Variants in CPED1 observed in about 807,000 individuals in gnomAD.
The protein encoded by CPED1 is cadherin like and PC-esterase domain containing 1, also known as cadherin-like and PC-esterase domain-containing protein 1.
CPED1 carries 114 observed loss-of-function variants against 128.2 expected under a neutral mutation model. The ratio of observed to expected loss-of-function variants is 0.89; its 90% CI spans 0.76 to 1.04. CPED1 has a LOEUF of 1.04. Ranked by LOEUF, CPED1 falls within the 50% of genes least tolerant of loss-of-function variation. CPED1 has a pLI of 0.00. For missense variants in CPED1, 1,211 were observed against 1,207.1 expected (o/e 1.00, Z -0.05); for synonymous variants, 462 against 426.7 (o/e 1.08, Z -1.02).
chr7:121,096,857 A>G (rs975137750), intron 5 of CPED1, among the ~76,000 whole-genome samples: 4 of 152,118 alleles, frequency 2.6e-5, no homozygotes, highest in African/African-American at 9.7e-5. Flanking sequence ...CCTCTTTGGG[A>G]TAATTAAAAA....
chr7:121,040,796 T>A (rs969910070), intron 3 of CPED1, among the ~76,000 whole-genome samples: 2 of 151,994 alleles, frequency 1.3e-5, no homozygotes, highest in African/African-American at 4.8e-5. Context: ...ACTCAGGAAA[T>A]CATCCTTGTT....
intron 6 of CPED1, among the ~76,000 whole-genome samples, chr7:121,098,955 A>G (rs1584510594): frequency 6.6e-6 from 1 of 150,914 alleles, no homozygotes; most frequent in African/African-American, 2.4e-5. Flanking sequence ...TGATGAAAGC[A>G]TATTTGTTTC....
rs773343321 is a variant in CPED1 at position 121,295,492 on chromosome 7, C to T, written c.2921C>T (p.Ser974Leu). Residue 974 changes from serine to leucine, a missense_variant, in exon 23 of 23, where the codon TCA (serine) becomes TTA (leucine). Coordinates refer to ENST00000310396, the MANE Select transcript of CPED1 (RefSeq NM_024913.5). ...TATAACTTTATTAAAATGAAAAGATCAAGAAATCATATCATGGGAAGATAT... is the reference window on the plus strand; with the variant it reads ...TATAACTTTATTAAAATGAAAAGATTAAGAAATCATATCATGGGAAGATAT... ...KEYNFIKMKR[S>L]RNHIMGRYFS... The T allele has an allele frequency of 6.2e-7, 1 of 1,613,702 alleles. No homozygotes were observed. The highest frequency in any genetic ancestry group is 8.5e-7 in the Non-Finnish European group (1 of 1,179,772).
intron 7 of CPED1, among the ~76,000 whole-genome samples, chr7:121,120,980 A>C (rs976009205): frequency 2.6e-4 from 39 of 150,486 alleles, no homozygotes; most frequent in African/African-American, 6.5e-4. Context: ...AAAAAAAAAA[A>C]AAAAAAACAA....
intron 22 of CPED1, among the ~76,000 whole-genome samples, chr7:121,272,819 C>T (rs1035885361): frequency 6.6e-6 from 1 of 152,058 alleles, no homozygotes; most frequent in Non-Finnish European, 1.5e-5. Context: ...GCTCCTCTCA[C>T]TTGGCTTAAG....
chr7:121,207,460 A>C (rs1350637359), intron 16 of CPED1, among the ~76,000 whole-genome samples: 1 of 152,032 alleles, frequency 6.6e-6, no homozygotes, highest in Non-Finnish European at 1.5e-5. Context: ...CAAAAATTGC[A>C]CAGGGAAATG....
intron 17 of CPED1, among the ~76,000 whole-genome samples, chr7:121,243,732 C>T (rs80346841): frequency 0.016 from 2,387 of 152,264 alleles, 66 homozygotes; most frequent in African/African-American, 0.053. Flanking sequence ...AAATTATCAT[C>T]ATACTGAAGT....
At position 121,142,110 on chromosome 7, in the gene CPED1, T is replaced by C. The variant is rs1256772317; in HGVS notation, c.2024T>C (p.Phe675Ser). Reference protein sequence around the residue: ...YREDRPSLPLFEAFTACGFVQ... With the variant: ...YREDRPSLPLSEAFTACGFVQ... The stretch of plus-strand genomic sequence containing the variant: ...GAAGACCGCCCAAGTCTGCCCTTGT[T>C]TGAGGCCTTCACAGCATGTGGTTTT... The change falls in exon 16 of 23, where the codon TTT becomes TCT. Residue 675 changes from phenylalanine (F) to serine (S), a missense_variant. Transcript: ENST00000310396. 6.2e-7 allele frequency: 1 copy of C among 1,611,966 alleles called. No homozygotes were observed. The highest frequency in any genetic ancestry group is 1.1e-5 in the South Asian group (1 of 90,890).
At chr7:121,118,392 T>C (rs995266901) in intron 7 of CPED1, among the ~76,000 whole-genome samples, 1 of 151,974 alleles carries the variant, frequency 6.6e-6, no homozygotes, top group African/African-American at 2.4e-5. Context: ...GAAACCTGTC[T>C]CTACTGAAAA....
At chr7:121,073,364 G>A (rs1794041659) in intron 5 of CPED1, among the ~76,000 whole-genome samples, 2 of 152,062 alleles carry the variant, frequency 1.3e-5, no homozygotes, top group African/African-American at 2.4e-5. Flanking sequence ...CTGCTGCCTC[G>A]GGGAGGCATA....
Position 121,266,229 on chromosome 7 carries a change from T to C in CPED1, c.2313T>C (p.Ile771=), listed in dbSNP as rs766056926. Residue 771 remains isoleucine (I), a splice_region_variant and synonymous_variant, in exon 19 of 23, where the codon ATT becomes ATC. Transcript: ENST00000310396. ...QLQQCLGGRK[I]LFIGDSTNRG... Reference sequence around the variant, plus strand: ...AATGCTTTCTCTTTAACTTATAGATTCTGTTCATTGGAGATTCAACCAACA... The same window carrying C: ...AATGCTTTCTCTTTAACTTATAGATCCTGTTCATTGGAGATTCAACCAACA... The C allele has an allele frequency of 6.2e-7, 1 of 1,606,988 alleles. No homozygotes were observed. The highest frequency in any genetic ancestry group is 8.5e-7 in the Non-Finnish European group (1 of 1,173,930).
intron 16 of CPED1, among the ~76,000 whole-genome samples, chr7:121,182,613 A>C (rs1333445950): frequency 1.3e-5 from 2 of 151,434 alleles, no homozygotes; most frequent in African/African-American, 4.9e-5. Flanking sequence ...TCTAAGGCTG[A>C]GACTTCTATT....
At chr7:121,184,085 A>G (rs931977451) in intron 16 of CPED1, among the ~76,000 whole-genome samples, 2 of 151,830 alleles carry the variant, frequency 1.3e-5, no homozygotes, top group Admixed American at 6.6e-5. Flanking sequence ...GGTTGCAGTG[A>G]GCCAATATTC....
At chr7:121,204,891 A>T (rs78512852) in intron 16 of CPED1, among the ~76,000 whole-genome samples, 88 of 152,210 alleles carry the variant, frequency 5.8e-4, no homozygotes, top group Non-Finnish European at 1.0e-3. Flanking sequence ...CCTGCAGAAA[A>T]CGGTCAGATA....
intron 16 of CPED1, among the ~76,000 whole-genome samples, chr7:121,162,170 C>T (rs141948695): frequency 1.3e-5 from 2 of 152,236 alleles, no homozygotes; most frequent in African/African-American, 4.8e-5. Flanking sequence ...CAAGTGTAGG[C>T]AATAGGAACT....
At chr7:121,164,579 T>C (rs553457941) in intron 16 of CPED1, among the ~76,000 whole-genome samples, 33 of 152,312 alleles carry the variant, frequency 2.2e-4, no homozygotes, top group Non-Finnish European at 4.7e-4. Flanking sequence ...CTAGTGACTT[T>C]CCAGCTGATG....
At chr7:121,096,337 T>C (rs1203539976) in intron 5 of CPED1, among the ~76,000 whole-genome samples, 1 of 152,142 alleles carries the variant, frequency 6.6e-6, no homozygotes, top group Non-Finnish European at 1.5e-5. Flanking sequence ...TATGTTAGTA[T>C]TGATGAAATG....
chr7:121,271,483 T>C lies in CPED1; in HGVS notation c.2868+53T>C, dbSNP rs1792228577. On this transcript the variant is annotated intron_variant, in intron 22 of 22. Transcript: ENST00000310396. ...TAGCTTTTGATCTTTTAAAATTGTT[T>C]GTTGTATCTTTAATTGTATTGTCAG... The C allele has an allele frequency of 2.0e-5, 31 of 1,534,184 alleles. No individual in the cohort carries two copies. In the South Asian group the frequency reaches 3.2e-4, roughly 16 times the overall value.
Position 121,100,039 on chromosome 7 carries a change from T to G in CPED1, c.863T>G (p.Ile288Ser). The stretch of plus-strand genomic sequence containing the variant: ...TCCTTAACCCCTTTGCGTGCATTCA[T>G]TCATTCGACGGGCACAGTTTGGAAT... ...VTSLTPLRAF[I>S]HSTGTVWNPP... Residue 288 changes from isoleucine (I) to serine (S), a missense_variant, in exon 7 of 23, where the codon ATT becomes AGT. Physicochemically the swap from Ile to Ser is moderately radical, Grantham distance 142. Coordinates refer to ENST00000310396, the MANE Select transcript of CPED1 (RefSeq NM_024913.5). 6.2e-7 allele frequency: 1 copy of G among 1,613,776 alleles called. No individual in the cohort carries two copies. The highest frequency in any genetic ancestry group is 8.5e-7 in the Non-Finnish European group (1 of 1,179,806).
Sources: gnomAD v4.1 joint callset for allele counts (sites outside exome capture counted in the v4.1 genomes callset) on GRCh38, gnomAD v4.1.1 for gene constraint, MANE v1.5 for transcripts, NCBI Gene and HGNC (gene_info 2026-07-23, HGNC 2026-07-21) for gene names.